The following YBX3 variants were observed in gnomAD, a reference collection of about 807,000 sequenced individuals.
YBX3 encodes Y-box binding protein 3, also known as Y-box-binding protein 3.
Under a neutral mutation model 42.4 loss-of-function variants are expected in YBX3, and 29 were observed. The ratio of observed to expected loss-of-function variants is 0.68; its 90% CI spans 0.51 to 0.93. The LOEUF is 0.93. Ranked by LOEUF, YBX3 falls within the 40% of genes least tolerant of loss-of-function variation. The probability of loss-of-function intolerance (pLI) is 0.00; values close to 1 mark genes in which losing one functional copy is unlikely to be tolerated. For missense variants in YBX3, 517 were observed against 527.5 expected (o/e 0.98, Z 0.19); for synonymous variants, 195 against 189.8 (o/e 1.03, Z -0.22).
intron 8 of YBX3, 114 bp from the exon 9 acceptor site, chr12:10,701,467 A>C (rs2120897296): frequency 1.4e-6 from 1 of 696,312 alleles, no homozygotes; most frequent in East Asian, 2.6e-5. Flanking sequence ...AGCATGCAAA[A>C]ATTTAACTAC....
chr12:10,721,351 A>G (rs1438232194), intron 1 of YBX3, among the ~76,000 whole-genome samples: 3 of 152,248 alleles, frequency 2.0e-5, no homozygotes, highest in Admixed American at 1.3e-4. Flanking sequence ...TGCTTTCCCA[A>G]TCTCAGAACA....
At chr12:10,722,669 A>C (rs980790051) in intron 1 of YBX3, among the ~76,000 whole-genome samples, 181 bp downstream of exon 1, 17 of 152,162 alleles carry the variant, frequency 1.1e-4, no homozygotes, top group Non-Finnish European at 1.9e-4. Flanking sequence ...GAGCGCCGGC[A>C]AGGGAGGCGG....
At chr12:10,705,332 A>T (rs1461205550) in intron 6 of YBX3, among the ~76,000 whole-genome samples, 1 of 152,156 alleles carries the variant, frequency 6.6e-6, no homozygotes, top group African/African-American at 2.4e-5. Context: ...TGACCTCGTG[A>T]TCTACCCACC....
chr12:10,701,544 AC>A (rs1207105562), intron 8 of YBX3, among the ~76,000 whole-genome samples, 191 bp from the exon 9 acceptor site: 3 of 152,112 alleles, frequency 2.0e-5, no homozygotes, highest in Non-Finnish European at 2.9e-5. Flanking sequence ...ACAAAACGAA[AC>A]CAAAACCTCA....
At chr12:10,704,455 TTTTA>T (rs755233642) in intron 6 of YBX3, 12 of 210,100 alleles carry the variant, frequency 5.7e-5, no homozygotes, top group South Asian at 1.8e-4. Context: ...TAAAATACTC[TTTTA>T]TTTTTCTTTA....
intron 1 of YBX3, among the ~76,000 whole-genome samples, chr12:10,719,762 T>G (rs924003826): frequency 1.3e-5 from 2 of 152,168 alleles, no homozygotes; most frequent in Admixed American, 6.5e-5. Flanking sequence ...CATGATGAAT[T>G]TGGGCTTGTT....
intron 4 of YBX3, 44 bp from the exon 5 acceptor site, chr12:10,713,377 T>C (rs776733340): frequency 1.7e-5 from 27 of 1,599,568 alleles, no homozygotes; most frequent in Admixed American, 3.5e-5. Flanking sequence ...AAAAAGAATA[T>C]ACACTAACTC....
chr12:10,710,689 G>T, intron 5 of YBX3: 1 of 733,104 alleles, frequency 1.4e-6, no homozygotes, highest in Non-Finnish European at 2.1e-6. Flanking sequence ...ATATGGTGGG[G>T]TCTCCCAAAG....
chr12:10,722,217 A>G (rs1406009830), intron 1 of YBX3: 1 of 152,286 alleles, frequency 6.6e-6, no homozygotes, highest in Non-Finnish European at 1.5e-5. Context: ...CTAAGACCCA[A>G]GTTTCCCGGA....
chr12:10,714,902 C>T (rs990088909), intron 4 of YBX3, among the ~76,000 whole-genome samples: 1 of 151,820 alleles, frequency 6.6e-6, no homozygotes, highest in Admixed American at 6.6e-5. Context: ...TACAGGAGTG[C>T]GACCACACTC....
chr12:10,715,094 T>C (rs1311931784), intron 4 of YBX3, among the ~76,000 whole-genome samples: 1 of 152,158 alleles, frequency 6.6e-6, no homozygotes, highest in Non-Finnish European at 1.5e-5. Context: ...ATAGTTAAAT[T>C]TTAATCTGCA....
chr12:10,717,311 TCTTC>T (rs1948273808), intron 3 of YBX3, among the ~76,000 whole-genome samples: 1 of 152,232 alleles, frequency 6.6e-6, no homozygotes, highest in Non-Finnish European at 1.5e-5. Context: ...TGCTGCTCTA[TCTTC>T]CTTATTGTTA....
intron 3 of YBX3, 172 bp downstream of exon 3, chr12:10,717,916 G>A (rs1446327729): frequency 6.3e-6 from 3 of 478,956 alleles, no homozygotes; most frequent in Non-Finnish European, 1.1e-5. Context: ...TGGGGTAGAA[G>A]AACTTATTTG....
chr12:10,701,374 A>C (rs945541329), intron 8 of YBX3, 21 bp from the exon 9 acceptor site: 9 of 780,978 alleles, frequency 1.2e-5, no homozygotes, highest in South Asian at 1.1e-4. Flanking sequence ...AAACAAAGCC[A>C]TAAATCAGAT....
At chr12:10,713,655 A>C (rs1180410355) in intron 4 of YBX3, among the ~76,000 whole-genome samples, 1 of 152,238 alleles carries the variant, frequency 6.6e-6, no homozygotes, top group Non-Finnish European at 1.5e-5. Flanking sequence ...CTAGACCAGG[A>C]AGAATATTCC....
At chr12:10,717,799 C>T (rs3816566) in intron 3 of YBX3, 51,801 of 230,928 alleles carry the variant, frequency 0.22, 6,106 homozygotes, top group East Asian at 0.43. Flanking sequence ...ACAGACTTTT[C>T]TTTTTTTTGC....
At chr12:10,709,328 T>C (rs1241321065) in intron 6 of YBX3, among the ~76,000 whole-genome samples, 1 of 152,192 alleles carries the variant, frequency 6.6e-6, no homozygotes, top group Non-Finnish European at 1.5e-5. Context: ...TGTACTAATA[T>C]TCTGCAGTGA....
chr12:10,717,043 T>C (rs1948270857), intron 3 of YBX3, among the ~76,000 whole-genome samples: 2 of 152,154 alleles, frequency 1.3e-5, no homozygotes, highest in Admixed American at 6.5e-5. Context: ...CCTCCAAGTA[T>C]TATAAACAAC....
intron 7 of YBX3, 39 bp from the exon 8 acceptor site, chr12:10,702,173 A>AGGACAGGGC: frequency 6.4e-7 from 1 of 1,563,816 alleles, no homozygotes; most frequent in Non-Finnish European, 8.7e-7. Context: ...AGGTGCCAAC[A>AGGACAGGGC]GGACAGGGCT....
Sources: allele counts gnomAD v4.1 joint callset (sites outside exome capture counted in the v4.1 genomes callset), GRCh38; gene constraint gnomAD v4.1.1; transcripts MANE v1.5; gene names NCBI Gene and HGNC (gene_info 2026-07-23, HGNC 2026-07-21).